Variants in NFIA observed in about 807,000 individuals in gnomAD.
NFIA encodes nuclear factor I A, also known as nuclear factor 1 A-type.
Under a neutral mutation model 62.8 loss-of-function variants are expected in NFIA, and 8 were observed. The observed-to-expected ratio is 0.13, with a 90% CI of 0.07 to 0.23. NFIA has a LOEUF of 0.23. Among genes scored for constraint, NFIA ranks in the 10% least tolerant of loss-of-function variants. The probability of loss-of-function intolerance (pLI) is 1.00; values close to 1 mark genes in which losing one functional copy is unlikely to be tolerated. For missense variants in NFIA, 410 were observed against 642.1 expected (o/e 0.64, Z 3.91); for synonymous variants, 235 against 238.1 (o/e 0.99, Z 0.12).
upstream of NFIA, chr1:61,082,448 G>A: frequency 1.9e-6 from 2 of 1,038,154 alleles, no homozygotes; most frequent in South Asian, 3.2e-5. Flanking sequence ...GCGGGCGCGC[G>A]GGCAGCTCGC....
chr1:61,240,551 A>G (rs188803316), intron 2 of NFIA, among the ~76,000 whole-genome samples: 4 of 152,146 alleles, frequency 2.6e-5, no homozygotes, highest in Non-Finnish European at 4.4e-5. Context: ...TATTCCCCCC[A>G]TACTGACATG....
At chr1:61,095,093 A>G (rs561424912) in intron 2 of NFIA, among the ~76,000 whole-genome samples, 1 of 152,338 alleles carries the variant, frequency 6.6e-6, no homozygotes, top group South Asian at 2.1e-4. Flanking sequence ...ATAACTAGAG[A>G]TTGAAGTGGA....
At chr1:61,235,283 A>G (rs1211054381) in intron 2 of NFIA, among the ~76,000 whole-genome samples, 1 of 151,996 alleles carries the variant, frequency 6.6e-6, no homozygotes, top group Non-Finnish European at 1.5e-5. Flanking sequence ...TAACACGGTG[A>G]AACCCCGTCT....
At chr1:61,125,535 CAA>C (rs1447942990) in intron 2 of NFIA, among the ~76,000 whole-genome samples, 2 of 152,128 alleles carry the variant, frequency 1.3e-5, no homozygotes, top group Non-Finnish European at 2.9e-5. Context: ...TCAGAGCACA[CAA>C]AGAGATCCTG....
chr1:61,160,970 A>G (rs571473557), intron 2 of NFIA, among the ~76,000 whole-genome samples: 1 of 152,226 alleles, frequency 6.6e-6, no homozygotes, highest in Non-Finnish European at 1.5e-5. Flanking sequence ...GCTGGAGTGC[A>G]GTGGCACAAT....
intron 2 of NFIA, among the ~76,000 whole-genome samples, chr1:61,106,975 TAC>T (rs1418851448): frequency 6.6e-6 from 1 of 151,506 alleles, no homozygotes; most frequent in Admixed American, 6.6e-5. Flanking sequence ...TAAATACATA[TAC>T]ACACACACTT....
chr1:61,205,996 A>C (rs551933501), intron 2 of NFIA, among the ~76,000 whole-genome samples: 13 of 143,706 alleles, frequency 9.0e-5, no homozygotes, highest in Non-Finnish European at 1.5e-4. Flanking sequence ...GGCTCACTAC[A>C]CCCTGACCTC....
intron 2 of NFIA, among the ~76,000 whole-genome samples, chr1:61,218,683 C>G (rs1387608340): frequency 6.6e-6 from 1 of 152,110 alleles, no homozygotes; most frequent in Non-Finnish European, 1.5e-5. Context: ...ATCACAAGCA[C>G]CTTTCCCTAT....
chr1:61,415,406 A>T (rs1270932696), intron 9 of NFIA, among the ~76,000 whole-genome samples: 1 of 152,170 alleles, frequency 6.6e-6, no homozygotes, highest in Non-Finnish European at 1.5e-5. Context: ...GTCAAAACAC[A>T]AAAGATAGAA....
At chr1:61,109,914 A>G (rs1465643238) in intron 2 of NFIA, among the ~76,000 whole-genome samples, 2 of 151,984 alleles carry the variant, frequency 1.3e-5, no homozygotes, top group Non-Finnish European at 2.9e-5. Flanking sequence ...TATCTTTTTA[A>G]TTATTTTATG....
At chr1:61,441,292 GGTGTGTGTGTGT>G (rs763246425) in intron 10 of NFIA, among the ~76,000 whole-genome samples, 7 of 139,462 alleles carry the variant, frequency 5.0e-5, no homozygotes, top group African/African-American at 8.1e-5. Context: ...GCCGTGCAGG[GGTGTGTGTGTGT>G]GTGTGTGTGT....
intron 4 of NFIA, among the ~76,000 whole-genome samples, chr1:61,333,062 CACACAT>C (rs1291052415): frequency 3.6e-4 from 54 of 148,498 alleles, no homozygotes; most frequent in African/African-American, 1.1e-3. Flanking sequence ...CACACACACA[CACACAT>C]ACACACACAC....
intron 4 of NFIA, among the ~76,000 whole-genome samples, chr1:61,345,605 C>T (rs1662186284): frequency 6.6e-6 from 1 of 152,094 alleles, no homozygotes; most frequent in Non-Finnish European, 1.5e-5. Context: ...GAGCATTGCT[C>T]CCTGAACTCT....
intron 7 of NFIA, among the ~76,000 whole-genome samples, chr1:61,392,804 G>A (rs57912733): frequency 0.012 from 1,754 of 152,326 alleles, 35 homozygotes; most frequent in African/African-American, 0.038. Context: ...TCCAGGGTGA[G>A]TGCTGAAGAG....
At chr1:61,325,423 C>G (rs919163224) in intron 3 of NFIA, among the ~76,000 whole-genome samples, 12 of 152,288 alleles carry the variant, frequency 7.9e-5, no homozygotes, top group African/African-American at 2.6e-4. Flanking sequence ...TCCATCATTT[C>G]TTAGGTTTCA....
intron 4 of NFIA, among the ~76,000 whole-genome samples, chr1:61,340,209 C>T (rs1232591984): frequency 6.6e-6 from 1 of 152,096 alleles, no homozygotes; most frequent in African/African-American, 2.4e-5. Context: ...ACACAACATA[C>T]CCCTTGATGT....
chr1:61,166,182 C>T (rs1338551821), intron 2 of NFIA, among the ~76,000 whole-genome samples: 1 of 151,996 alleles, frequency 6.6e-6, no homozygotes, highest in African/African-American at 2.4e-5. Flanking sequence ...GTAGGGAAAC[C>T]TATTTGTATA....
At chr1:61,382,972 G>A (rs1483901788) in intron 6 of NFIA, among the ~76,000 whole-genome samples, 2 of 152,110 alleles carry the variant, frequency 1.3e-5, no homozygotes, top group East Asian at 3.8e-4. Context: ...GTTGAACCCT[G>A]TATTATTATT....
chr1:61,357,630 C>G (rs929136520), intron 5 of NFIA, among the ~76,000 whole-genome samples: 1 of 152,100 alleles, frequency 6.6e-6, no homozygotes, highest in African/African-American at 2.4e-5. Flanking sequence ...ACCCACTGTA[C>G]CCTGTGTGTG....
Sources: gnomAD v4.1 joint callset for allele counts (sites outside exome capture counted in the v4.1 genomes callset) on GRCh38, gnomAD v4.1.1 for gene constraint, MANE v1.5 for transcripts, NCBI Gene and HGNC (gene_info 2026-07-23, HGNC 2026-07-21) for gene names.